ABCG2: variants seen among roughly 807,000 people sequenced by gnomAD.
The protein encoded by ABCG2 is broad substrate specificity ATP-binding cassette transporter ABCG2.
Under a neutral mutation model 73.5 loss-of-function variants are expected in ABCG2, and 80 were observed. The ratio of observed to expected loss-of-function variants is 1.09; its 90% CI spans 0.91 to 1.31. ABCG2 has a LOEUF of 1.31. Among genes scored for constraint, ABCG2 ranks in the 50% most tolerant of loss-of-function variants. The pLI is 0.00. For synonymous variants in ABCG2, 269 were observed against 282.4 expected, an observed-to-expected ratio of 0.95 and a Z score of 0.48; for missense variants, 796 against 786.2, an observed-to-expected ratio of 1.01 and a Z score of -0.15.
At chr4:88,152,866 G>T (rs952286374) in intron 1 of ABCG2, among the ~76,000 whole-genome samples, 1 of 152,186 alleles carries the variant, frequency 6.6e-6, no homozygotes, top group Non-Finnish European at 1.5e-5. Context: ...ATTAGGGGCG[G>T]CGTGGGAACC....
In ABCG2 at chr4:88,103,226, T is replaced by C. The variant is rs79194584; in HGVS notation, c.1278-1907A>G. 7.8e-3 allele frequency among the ~76,000 whole-genome samples: 1,181 copies of C among 152,340 alleles called. 33 individuals carry two copies. In the East Asian group the frequency reaches 0.081, roughly 10 times the overall value. On this transcript the variant is annotated intron_variant, in intron 10 of 15. Coordinates refer to ENST00000237612, the MANE Select transcript of ABCG2 (RefSeq NM_004827.3). ...TCAGAACATGGAACATAGCAAAGATTCAATTCAATTTGTTGTCTTAAATCT... is the reference window on the plus strand; with the variant it reads ...TCAGAACATGGAACATAGCAAAGATCCAATTCAATTTGTTGTCTTAAATCT...
chr4:88,107,934 ACTG>A (rs1445819881), intron 9 of ABCG2, among the ~76,000 whole-genome samples: 1 of 152,106 alleles, frequency 6.6e-6, no homozygotes. Context: ...CTGTGCACAC[ACTG>A]CATGCTTCCA....
At chr4:88,221,598 C>T (rs951080079) in intron 1 of ABCG2, among the ~76,000 whole-genome samples, 1 of 152,056 alleles carries the variant, frequency 6.6e-6, no homozygotes, top group African/African-American at 2.4e-5. Flanking sequence ...GTGATATGGA[C>T]AATAAAGTGC....
intron 1 of ABCG2, among the ~76,000 whole-genome samples, chr4:88,168,795 CAGGAAATCTA>C (rs1727640323): frequency 6.6e-6 from 1 of 151,554 alleles, no homozygotes; most frequent in Admixed American, 6.6e-5. Flanking sequence ...CAAAAAAGTA[CAGGAAATCTA>C]AGTGGACAGC....
chr4:88,160,705 C>T (rs916433169), upstream of ABCG2, among the ~76,000 whole-genome samples: 4 of 151,546 alleles, frequency 2.6e-5, no homozygotes, highest in Admixed American at 6.6e-5. Flanking sequence ...AAAAATTAGC[C>T]GGGCATGGTG....
rs187325590 is a variant in ABCG2 at position 88,201,397 on chromosome 4, G to C, written c.-20+29597C>G. Among the ~76,000 whole-genome samples the C allele has an allele frequency of 8.5e-5, 13 of 152,170 alleles. No homozygotes were observed. The East Asian group carries it at 2.5e-3, about 29-fold the overall frequency. On this transcript the variant is annotated intron_variant, in intron 1 of 15. Coordinates refer to the ABCG2 transcript ENST00000515655. ...ACGAATTTGATAACCTAGATGAAAT[G>C]GACCAATTCCTTGAAAGATGCAATC...
At chr4:88,151,384 T>G (rs1328761811) in intron 1 of ABCG2, among the ~76,000 whole-genome samples, 2 of 152,200 alleles carry the variant, frequency 1.3e-5, no homozygotes, top group Admixed American at 6.5e-5. Context: ...GTCAACTACA[T>G]GAAGATCAAT....
intron 1 of ABCG2, among the ~76,000 whole-genome samples, chr4:88,167,443 G>A (rs563643726): frequency 1.4e-5 from 2 of 139,404 alleles, no homozygotes; most frequent in South Asian, 2.2e-4. Flanking sequence ...GCACAATCTC[G>A]GCTCACTGCA....
intron 1 of ABCG2, among the ~76,000 whole-genome samples, chr4:88,146,138 C>A (rs1439990224): frequency 1.3e-5 from 2 of 152,148 alleles, no homozygotes; most frequent in Admixed American, 1.3e-4. Context: ...AACCAAGACT[C>A]ATGGATGACA....
intron 1 of ABCG2, among the ~76,000 whole-genome samples, chr4:88,230,309 T>TATATA (rs67927192): frequency 6.3e-5 from 1 of 15,978 alleles, no homozygotes; most frequent in East Asian, 2.0e-3. Context: ...ATATATATAT[T>TATATA]TTTTTTTTTG....
Position 88,158,589 on chromosome 4 carries a change from C to T in ABCG2, c.-223G>A, listed in dbSNP as rs1436202380. 1 of 456,324 alleles carries T rather than the reference C, an allele frequency of 2.2e-6. No homozygotes were observed. The highest frequency in any genetic ancestry group is 4.4e-6 in the Non-Finnish European group (1 of 226,986). The allele number at this position is 456,324 out of a possible 1,614,324, so 28.3% of individuals were successfully genotyped here. ...TCCTAAATCCTACCCAGTTCCTCCA[C>T]AGGCTGCCTCCTTGCCGCGTCTCTC... is the stretch of plus-strand genomic sequence containing the variant. On this transcript the variant is annotated 5_prime_UTR_variant, in exon 1 of 16. It adds an upstream start codon to the 5' untranslated region. Coordinates refer to ENST00000237612, the MANE Select transcript of ABCG2 (RefSeq NM_004827.3).
chr4:88,100,419 C>T lies in ABCG2; in HGVS notation c.1367+811G>A, dbSNP rs368945579. ...TTGGGAGGCTGAGGGAGGAGAATCG[C>T]TTGAACCCGGGAGGTAGAGATTGCA... On this transcript the variant is annotated intron_variant, in intron 11 of 15. Transcript: ENST00000237612. 5.1e-4 allele frequency among the ~76,000 whole-genome samples: 77 copies of T among 151,532 alleles called. 1 individual carries two copies. The South Asian group carries it at 0.016, about 31-fold the overall frequency.
At chr4:88,148,521 CTGACT>C (rs1726206310) in intron 1 of ABCG2, among the ~76,000 whole-genome samples, 1 of 152,142 alleles carries the variant, frequency 6.6e-6, no homozygotes, top group South Asian at 2.1e-4. Flanking sequence ...TGGAGGGTCC[CTGACT>C]GCAAGGTCCC....
chr4:88,101,913 T>G (rs1722452337), intron 10 of ABCG2, among the ~76,000 whole-genome samples: 1 of 152,274 alleles, frequency 6.6e-6, no homozygotes, highest in Non-Finnish European at 1.5e-5. Flanking sequence ...TACATAATTT[T>G]AACTAACAAA....
chr4:88,110,672 C>T (rs556785964), intron 9 of ABCG2, among the ~76,000 whole-genome samples: 6 of 152,254 alleles, frequency 3.9e-5, no homozygotes, highest in African/African-American at 9.6e-5. Flanking sequence ...GCCAGCCTTT[C>T]GTTTATTATT....
intron 12 of ABCG2, among the ~76,000 whole-genome samples, chr4:88,098,014 A>G (rs1364282385): frequency 6.6e-6 from 1 of 152,022 alleles, no homozygotes; most frequent in Non-Finnish European, 1.5e-5. Context: ...CCATGACCTC[A>G]CAGTGGTTGT....
chr4:88,112,484 CAT>C (rs1384518063), intron 9 of ABCG2, among the ~76,000 whole-genome samples: 3 of 152,142 alleles, frequency 2.0e-5, no homozygotes, highest in Non-Finnish European at 4.4e-5. Flanking sequence ...AAACTTTCCC[CAT>C]AGTTTCTTCT....
Position 88,118,276 on chromosome 4 carries a change from GACA to G in ABCG2, c.690-19_690-17del, listed in dbSNP as rs753256449. 61 of 1,612,366 alleles carry G rather than the reference GACA, an allele frequency of 3.8e-5. No homozygotes were observed. Among genetic ancestry groups the G allele is most frequent in the Non-Finnish European group, 5.2e-5 (61 of 1,178,854 alleles). Reference sequence around the variant, plus strand: ...CTTAGACATCCTAAGTTAAAAGTGAGACAATACTAAGTCATTAAATATCTGAAA... The same window carrying G: ...CTTAGACATCCTAAGTTAAAAGTGAGATACTAAGTCATTAAATATCTGAAA... On this transcript the variant is annotated splice_polypyrimidine_tract_variant and intron_variant, in intron 6 of 15. Transcript: ENST00000237612.
intron 1 of ABCG2, among the ~76,000 whole-genome samples, chr4:88,229,237 C>T (rs111492395): frequency 1.3e-5 from 2 of 152,216 alleles, no homozygotes; most frequent in African/African-American, 4.8e-5. Flanking sequence ...ACTCTGGACA[C>T]AGTTCCATGT....
Sources: gnomAD v4.1 joint callset for allele counts (sites outside exome capture counted in the v4.1 genomes callset) on GRCh38, gnomAD v4.1.1 for gene constraint, MANE v1.5 for transcripts, NCBI Gene and HGNC (gene_info 2026-07-23, HGNC 2026-07-21) for gene names.